Variants in ATP2C1 observed in about 807,000 individuals in gnomAD.
The protein encoded by ATP2C1 is ATPase secretory pathway Ca2+ transporting 1.
In ATP2C1, 31 loss-of-function variants were observed where a neutral mutation model predicts 120.5. The ratio of observed to expected loss-of-function variants is 0.26; its 90% CI spans 0.19 to 0.35. The LOEUF (loss-of-function observed/expected upper bound fraction) is 0.35. Ranked by LOEUF, ATP2C1 falls within the 10% of genes least tolerant of loss-of-function variation. The probability of loss-of-function intolerance (pLI) is 1.00; values close to 1 mark genes in which losing one functional copy is unlikely to be tolerated. For missense variants in ATP2C1, 731 were observed against 1,107.5 expected (o/e 0.66, Z 4.83); for synonymous variants, 351 against 358.7 (o/e 0.98, Z 0.24).
At chr3:131,008,939 T>C (rs2063213961) in intron 26 of ATP2C1, among the ~76,000 whole-genome samples, 1 of 152,234 alleles carries the variant, frequency 6.6e-6, no homozygotes. Context: ...TCAAGGCTTC[T>C]TGTTCTTACA....
chr3:130,873,667 A>G (rs1340187581), intron 1 of ATP2C1, among the ~76,000 whole-genome samples: 1 of 152,342 alleles, frequency 6.6e-6, no homozygotes, highest in African/African-American at 2.4e-5. Context: ...GCTAATAGAA[A>G]CAAGTTGATG....
rs529812790 is a variant in ATP2C1 at position 130,944,399 on chromosome 3, G to A, written c.531+2700G>A. Reference sequence around the variant, plus strand: ...TTTTTCACAGTTACGGAGGCTGGAAGTTCAAGGTCAAGGTCTGGCAGGGTT... The same window carrying A: ...TTTTTCACAGTTACGGAGGCTGGAAATTCAAGGTCAAGGTCTGGCAGGGTT... On this transcript the variant is annotated intron_variant, in intron 8 of 27. Coordinates refer to ENST00000510168, the MANE Select transcript of ATP2C1 (RefSeq NM_001378687.1). Among the ~76,000 whole-genome samples, 4 of 152,340 alleles carry A rather than the reference G, an allele frequency of 2.6e-5. No individual in the cohort carries two copies. The East Asian group carries it at 5.8e-4, about 22-fold the overall frequency.
intron 1 of ATP2C1, among the ~76,000 whole-genome samples, chr3:130,871,389 A>C (rs2068423570): frequency 6.6e-6 from 1 of 152,246 alleles, no homozygotes; most frequent in African/African-American, 2.4e-5. Flanking sequence ...GGAATCACCT[A>C]AAGGACTAAT....
intron 1 of ATP2C1, among the ~76,000 whole-genome samples, chr3:130,883,135 G>A (rs182025693): frequency 4.7e-4 from 72 of 152,210 alleles, no homozygotes; most frequent in African/African-American, 1.5e-3. Context: ...TTAGCATATG[G>A]TTGATGATAC....
chr3:130,956,085 T>C lies in ATP2C1; in HGVS notation c.757-19T>C, dbSNP rs779478909. 6.4e-7 allele frequency: 1 copy of C among 1,560,656 alleles called. No homozygotes were observed. Among genetic ancestry groups the C allele is most frequent in the Non-Finnish European group, 8.8e-7 (1 of 1,131,932 alleles). ...TAAATATAGCTAATTGTGGTGACACTCTTCTTCAATTTATCAAGGCACCAA... is the reference window on the plus strand; with the variant it reads ...TAAATATAGCTAATTGTGGTGACACCCTTCTTCAATTTATCAAGGCACCAA... On this transcript the variant is annotated intron_variant, in intron 10 of 27. Transcript: ENST00000510168.
At chr3:130,855,594 A>T (rs1183711329) in intron 1 of ATP2C1, among the ~76,000 whole-genome samples, 1 of 152,174 alleles carries the variant, frequency 6.6e-6, no homozygotes, top group Non-Finnish European at 1.5e-5. Flanking sequence ...CATCTGTGTC[A>T]GTGCTGGGAT....
chr3:130,855,656 G>T (rs74452938), intron 1 of ATP2C1, among the ~76,000 whole-genome samples: 1 of 152,152 alleles, frequency 6.6e-6, no homozygotes, highest in Non-Finnish European at 1.5e-5. Flanking sequence ...GAACCCCTAA[G>T]CAGAGATGTA....
At position 130,916,372 on chromosome 3, in the gene ATP2C1, C is replaced by T. The variant is rs1226241775; in HGVS notation, c.7-14044C>T. Among the ~76,000 whole-genome samples, 19 of 151,720 alleles carry T rather than the reference C, an allele frequency of 1.3e-4. No individual in the cohort carries two copies. The South Asian group carries it at 2.3e-3, about 18-fold the overall frequency. ...CAGAGGTTGCAGTGAGCAGAGATCGCGCCACTGCACTCCAGCCTGGGCAAC... is the reference window on the plus strand; with the variant it reads ...CAGAGGTTGCAGTGAGCAGAGATCGTGCCACTGCACTCCAGCCTGGGCAAC... On this transcript the variant is annotated intron_variant, in intron 2 of 27. Coordinates refer to ENST00000510168, the MANE Select transcript of ATP2C1 (RefSeq NM_001378687.1).
intron 10 of ATP2C1, chr3:130,955,868 T>C: frequency 2.3e-6 from 1 of 426,708 alleles, no homozygotes; most frequent in Admixed American, 3.6e-5. Context: ...AACGGACCTT[T>C]TCAAATAATA....
intron 17 of ATP2C1, among the ~76,000 whole-genome samples, chr3:130,971,419 A>G (rs538289522): frequency 6.6e-6 from 1 of 152,310 alleles, no homozygotes; most frequent in South Asian, 2.1e-4. Flanking sequence ...AACCCAACCC[A>G]CAGATGTGAC....
At chr3:130,992,867 T>G in intron 20 of ATP2C1, 84 bp from the exon 21 acceptor site, 1 of 1,120,308 alleles carries the variant, frequency 8.9e-7, no homozygotes, top group Non-Finnish European at 1.4e-6. Flanking sequence ...ATTGATGAGT[T>G]TTTCATCATT....
chr3:130,905,869 G>C (rs942623685), intron 2 of ATP2C1, among the ~76,000 whole-genome samples: 2 of 152,028 alleles, frequency 1.3e-5, no homozygotes, highest in African/African-American at 2.4e-5. Flanking sequence ...CTTAGTTTCA[G>C]CTCTCATTTC....
intron 26 of ATP2C1, among the ~76,000 whole-genome samples, chr3:131,011,331 A>G (rs929158905): frequency 6.6e-6 from 1 of 152,244 alleles, no homozygotes; most frequent in Non-Finnish European, 1.5e-5. Context: ...GGTTATAGTA[A>G]AAGTTTTCCT....
intron 17 of ATP2C1, among the ~76,000 whole-genome samples, chr3:130,970,124 C>T (rs2061231837): frequency 6.6e-6 from 1 of 152,128 alleles, no homozygotes; most frequent in African/African-American, 2.4e-5. Context: ...TTGAGACCAG[C>T]CTGACCAATA....
intron 7 of ATP2C1, among the ~76,000 whole-genome samples, chr3:130,941,222 CAGTGTGTGTGTGTGTGTGTGTGTG>C (rs2059889908): frequency 9.5e-6 from 1 of 105,130 alleles, no homozygotes; most frequent in African/African-American, 3.4e-5. Flanking sequence ...CTGTATTTAA[CAGTGTGTGTGTGTGTGTGTGTGTG>C]TGTGTGTGTG....
chr3:130,894,004 G>C, upstream of ATP2C1: 3 of 985,990 alleles, frequency 3.0e-6, no homozygotes, highest in Non-Finnish European at 3.6e-6. This position sits in a 1 kb window ranked among gnomAD's most constrained non-coding sequence, Gnocchi z 4.5. Context: ...AGCTGGGTTC[G>C]CGGCTGGCCC....
intron 1 of ATP2C1, among the ~76,000 whole-genome samples, chr3:130,882,466 G>T (rs2068815623): frequency 6.6e-6 from 1 of 152,118 alleles, no homozygotes; most frequent in Non-Finnish European, 1.5e-5. Flanking sequence ...ATCCCAAAGT[G>T]CTGGGATTAC....
intron 18 of ATP2C1, among the ~76,000 whole-genome samples, chr3:130,976,216 T>C (rs1357760058): frequency 6.6e-6 from 1 of 152,236 alleles, no homozygotes; most frequent in African/African-American, 2.4e-5. Context: ...AAACAAGTTA[T>C]GTGAAAAATG....
chr3:130,969,386 G>A lies in ATP2C1; in HGVS notation c.1403G>A (p.Arg468Gln), dbSNP rs775044921. The stretch of plus-strand genomic sequence containing the variant: ...TGGATGGCTGTTAAGTGTGTACACC[G>A]AACACAGCAGGTATCCATCTGTTTA... ...QKWMAVKCVH[R>Q]TQQDRPEICF... The change falls in exon 17 of 28, where the codon CGA becomes CAA. Residue 468 changes from arginine (R) to glutamine (Q), a missense_variant. Coordinates refer to ENST00000510168, the MANE Select transcript of ATP2C1 (RefSeq NM_001378687.1). 63 of 1,611,938 alleles carry A rather than the reference G, an allele frequency of 3.9e-5. No homozygotes were observed. Among genetic ancestry groups the A allele is most frequent in the Non-Finnish European group, 4.9e-5 (58 of 1,178,290 alleles).
Sources: gnomAD v4.1 joint callset for allele counts (sites outside exome capture counted in the v4.1 genomes callset) on GRCh38, gnomAD v4.1.1 for gene constraint, Gnocchi (gnomAD v3.1) non-coding constraint, MANE v1.5 for transcripts, NCBI Gene and HGNC (gene_info 2026-07-23, HGNC 2026-07-21) for gene names.